The following ATP8A1 variants were observed in gnomAD, a reference collection of about 807,000 sequenced individuals.
ATP8A1 encodes phospholipid-transporting ATPase IA.
Under a neutral mutation model 177.7 loss-of-function variants are expected in ATP8A1, and 90 were observed. The ratio of observed to expected loss-of-function variants is 0.51; its 90% CI spans 0.43 to 0.60. ATP8A1 has a LOEUF of 0.60. Among genes scored for constraint, ATP8A1 ranks in the 20% least tolerant of loss-of-function variants. The pLI, the probability that ATP8A1 is intolerant of heterozygous loss-of-function variation, is 0.00. For synonymous variants in ATP8A1, 493 were observed against 485.9 expected (o/e 1.01, Z -0.19); for missense variants, 1,072 against 1,392.8 (o/e 0.77, Z 3.67).
At position 42,578,260 on chromosome 4, in the gene ATP8A1, C is replaced by A; in HGVS notation, c.1128G>T (p.Trp376Cys). ...GATAACAATCATAATTCATATTTAC[C>A]CAATTTATGAAGTATGCCTGGGTAA... Reference protein sequence around the residue: ...VKFTQAYFINWDLDMHYEPTD... With the variant: ...VKFTQAYFINCDLDMHYEPTD... Residue 376 changes from tryptophan to cysteine, a missense_variant and splice_region_variant, in exon 12 of 37, where the codon TGG (tryptophan) becomes TGT (cysteine). This residue lies in a region of ATP8A1 where 388 missense variants were observed against 471.7 expected (regional missense o/e 0.82). Coordinates refer to ENST00000381668, the MANE Select transcript of ATP8A1 (RefSeq NM_006095.2). The A allele has an allele frequency of 6.3e-7, 1 of 1,584,292 alleles. No individual in the cohort carries two copies. Among genetic ancestry groups the A allele is most frequent in the African/African-American group, 1.4e-5 (1 of 73,354 alleles).
intron 1 of ATP8A1, among the ~76,000 whole-genome samples, chr4:42,635,810 T>TATATATATATATAC (rs1305090729): frequency 5.7e-4 from 59 of 103,842 alleles, no homozygotes; most frequent in African/African-American, 1.3e-3. Context: ...TATATATATA[T>TATATATATATATAC]ACACATGTAT....
intron 24 of ATP8A1, 99 bp downstream of exon 24, chr4:42,503,351 C>T: frequency 1.4e-6 from 1 of 700,478 alleles, no homozygotes; most frequent in Non-Finnish European, 2.3e-6. Context: ...GTACCTTGAA[C>T]CACAGAAAGA....
chr4:42,631,395 T>G (rs887663648), intron 1 of ATP8A1, among the ~76,000 whole-genome samples: 1 of 152,116 alleles, frequency 6.6e-6, no homozygotes, highest in African/African-American at 2.4e-5. Flanking sequence ...GGAACTAGAG[T>G]AACTGAAGTT....
At chr4:42,493,913 C>A (rs190902894) in intron 24 of ATP8A1, among the ~76,000 whole-genome samples, 2 of 151,322 alleles carry the variant, frequency 1.3e-5, no homozygotes, top group African/African-American at 4.9e-5. Context: ...GGTACTAACA[C>A]GAAACGCGCC....
At chr4:42,421,071 A>T (rs549462139) in intron 35 of ATP8A1, among the ~76,000 whole-genome samples, 61 of 152,096 alleles carry the variant, frequency 4.0e-4, no homozygotes, top group African/African-American at 1.4e-3. Context: ...CCTGGCCAGA[A>T]CTCTTACTGT....
intron 4 of ATP8A1, among the ~76,000 whole-genome samples, chr4:42,619,744 C>T (rs1737279440): frequency 6.6e-6 from 1 of 151,998 alleles, no homozygotes; most frequent in Admixed American, 6.6e-5. Context: ...TAGTGGCAGC[C>T]ATGACCAGTC....
At chr4:42,562,323 G>A (rs908875406) in intron 15 of ATP8A1, 3 of 152,328 alleles carry the variant, frequency 2.0e-5, no homozygotes, top group African/African-American at 7.2e-5. Flanking sequence ...GGAGGTGGTT[G>A]TCAGGGAGGA....
chr4:42,621,877 G>C (rs1737494503), intron 4 of ATP8A1, among the ~76,000 whole-genome samples: 1 of 152,084 alleles, frequency 6.6e-6, no homozygotes, highest in South Asian at 2.1e-4. Context: ...ACTAGTAGGA[G>C]AACACACATA....
chr4:42,542,680 T>C (rs1383112829), intron 20 of ATP8A1, among the ~76,000 whole-genome samples: 2 of 152,122 alleles, frequency 1.3e-5, no homozygotes, highest in Non-Finnish European at 2.9e-5. Flanking sequence ...AGTGAGAACA[T>C]GCGATGTTTG....
At chr4:42,506,050 T>C (rs1412137258) in intron 23 of ATP8A1, among the ~76,000 whole-genome samples, 1 of 152,150 alleles carries the variant, frequency 6.6e-6, no homozygotes, top group Non-Finnish European at 1.5e-5. Flanking sequence ...CCAATTCCTA[T>C]GCTGAACTCC....
At chr4:42,510,404 G>A (rs1724891465) in intron 22 of ATP8A1, among the ~76,000 whole-genome samples, 1 of 152,138 alleles carries the variant, frequency 6.6e-6, no homozygotes, top group African/African-American at 2.4e-5. Flanking sequence ...TTTACACAAT[G>A]ATTCTTCCAA....
In ATP8A1 at chr4:42,413,013, T is replaced by A. The variant is rs1410482102; in HGVS notation, c.3398A>T (p.His1133Leu). 1.2e-6 allele frequency: 2 copies of A among 1,612,040 alleles called. No individual in the cohort carries two copies. Among genetic ancestry groups the A allele is most frequent in the Non-Finnish European group, 1.7e-6 (2 of 1,178,644 alleles). The change falls in exon 37 of 37, where the codon CAT (histidine) becomes CTT (leucine). Residue 1133 changes from histidine to leucine, a missense_variant and splice_region_variant. His to Leu is a moderately conservative substitution (Grantham distance 99, BLOSUM62 -3). Transcript: ENST00000381668. Reference protein sequence around the residue: ...RSESLQQNLLHGYAFSQDENG... With the variant: ...RSESLQQNLLLGYAFSQDENG... Reference sequence around the variant, plus strand: ...TTCATCTTGAGAGAACGCATACCCATCTGTAGGTTAATGATAAAACAGAAA... The same window carrying A: ...TTCATCTTGAGAGAACGCATACCCAACTGTAGGTTAATGATAAAACAGAAA...
intron 15 of ATP8A1, among the ~76,000 whole-genome samples, chr4:42,566,792 T>A (rs1731390882): frequency 6.6e-6 from 1 of 151,328 alleles, no homozygotes; most frequent in African/African-American, 2.4e-5. Context: ...AGGTTTCAAC[T>A]CTCACATCAT....
intron 20 of ATP8A1, among the ~76,000 whole-genome samples, chr4:42,531,792 A>T (rs1482220222): frequency 6.6e-6 from 1 of 152,102 alleles, no homozygotes; most frequent in Non-Finnish European, 1.5e-5. Flanking sequence ...AGAAAGAAAA[A>T]AGCCAATCCC....
chr4:42,582,489 C>T (rs958156573), intron 9 of ATP8A1, among the ~76,000 whole-genome samples: 3 of 149,596 alleles, frequency 2.0e-5, no homozygotes, highest in African/African-American at 7.4e-5. Flanking sequence ...ACACCACACA[C>T]ACCCACCCCC....
chr4:42,413,412 T>C (rs1028520590), intron 36 of ATP8A1, among the ~76,000 whole-genome samples: 1 of 152,196 alleles, frequency 6.6e-6, no homozygotes, highest in Non-Finnish European at 1.5e-5. Flanking sequence ...AAGTGATATG[T>C]AGGTGAGGTG....
chr4:42,485,969 T>C (rs1722159106), intron 24 of ATP8A1, among the ~76,000 whole-genome samples: 1 of 152,180 alleles, frequency 6.6e-6, no homozygotes, highest in Non-Finnish European at 1.5e-5. Context: ...ATTCTAACCA[T>C]CATTGTTTGA....
At chr4:42,467,508 A>G (rs978315825) in intron 25 of ATP8A1, among the ~76,000 whole-genome samples, 2 of 152,186 alleles carry the variant, frequency 1.3e-5, no homozygotes, top group African/African-American at 4.8e-5. Flanking sequence ...CCTGGGCAAC[A>G]TGGTAAAATC....
rs551523124 is a variant in ATP8A1, at chr4:42,445,988, G to A, written c.2958+595C>T. On this transcript the variant is annotated intron_variant, in intron 31 of 36. Transcript: ENST00000381668. ...CCAGCTACTCAGGAGGCTGAGGCAG[G>A]AGAATCACATGAACCCATGAGGCAG... Among the ~76,000 whole-genome samples the A allele has an allele frequency of 4.4e-3, 646 of 146,888 alleles. 5 individuals are homozygous for A. Among genetic ancestry groups the A allele is most frequent in the Middle Eastern group, 0.022 (6 of 278 alleles).
Sources: gnomAD v4.1 joint callset for allele counts (sites outside exome capture counted in the v4.1 genomes callset) on GRCh38, gnomAD v4.1.1 for gene constraint, gnomAD v4.1.1 regional missense constraint, MANE v1.5 for transcripts, NCBI Gene and HGNC (gene_info 2026-07-23, HGNC 2026-07-21) for gene names.